FBXO34: variants seen among roughly 807,000 people sequenced by gnomAD.
FBXO34 encodes the protein F-box protein 34.
A neutral mutation model predicts 24.5 loss-of-function variants in FBXO34; 12 were observed. The ratio of observed to expected loss-of-function variants is 0.49; its 90% CI spans 0.31 to 0.79. The LOEUF is 0.79. Ranked by LOEUF, FBXO34 falls within the 30% of genes least tolerant of loss-of-function variation. The pLI is 0.04. For missense variants in FBXO34, 823 were observed against 857.7 expected (o/e 0.96, Z 0.51); for synonymous variants, 320 against 311.9 (o/e 1.03, Z -0.27).
At chr14:55,283,882 A>G (rs1246860455) in intron 1 of FBXO34, among the ~76,000 whole-genome samples, 1 of 151,736 alleles carries the variant, frequency 6.6e-6, no homozygotes, top group Non-Finnish European at 1.5e-5. Context: ...TTTTTGTTTT[A>G]TTAGCTGGTA....
intron 1 of FBXO34, among the ~76,000 whole-genome samples, chr14:55,272,497 C>G (rs1881186715): frequency 6.6e-6 from 1 of 150,458 alleles, no homozygotes; most frequent in East Asian, 1.9e-4. Context: ...AAAAAGAGAA[C>G]CACTTCTAGT....
downstream of FBXO34, among the ~76,000 whole-genome samples, chr14:55,362,873 G>A (rs979472664): frequency 6.6e-6 from 1 of 151,962 alleles, no homozygotes; most frequent in African/African-American, 2.4e-5. Flanking sequence ...TGCTGGAAAG[G>A]GTAGGAAAGT....
At chr14:55,349,553 A>T (rs1884268084) in intron 1 of FBXO34, among the ~76,000 whole-genome samples, 1 of 151,668 alleles carries the variant, frequency 6.6e-6, no homozygotes, top group Non-Finnish European at 1.5e-5. Flanking sequence ...AATTGTAAAC[A>T]TCTAAATATT....
intron 1 of FBXO34, among the ~76,000 whole-genome samples, chr14:55,313,550 A>C (rs747870692): frequency 6.6e-6 from 1 of 152,222 alleles, no homozygotes; most frequent in African/African-American, 2.4e-5. Flanking sequence ...TGTAAAAAAA[A>C]CTGCCTGAAA....
At chr14:55,326,025 C>T (rs1459647478) in intron 1 of FBXO34, 1 of 152,182 alleles carries the variant, frequency 6.6e-6, no homozygotes, top group Non-Finnish European at 1.5e-5. Flanking sequence ...CCATTGGTTT[C>T]AGGATCTAAA....
chr14:55,283,916 T>A (rs1385901602), intron 1 of FBXO34, among the ~76,000 whole-genome samples: 1 of 151,804 alleles, frequency 6.6e-6, no homozygotes, highest in Admixed American at 6.6e-5. Context: ...TTTCCTAAAA[T>A]TAAAACGTGA....
Position 55,316,724 on chromosome 14 carries a change from CAAA to C in FBXO34, c.-10-33646_-10-33644del, listed in dbSNP as rs61450097. 2.6e-3 allele frequency among the ~76,000 whole-genome samples: 337 copies of C among 127,326 alleles called. 1 individual carries two copies. Among genetic ancestry groups the C allele is most frequent in the Non-Finnish European group, 3.8e-3 (230 of 60,054 alleles). The allele number at this position is 127,326 out of a possible 152,430, so 83.5% of individuals were successfully genotyped here. A position where few individuals can be genotyped will look rare whatever the true frequency, so the allele number is the denominator to read the frequency against. The stretch of plus-strand genomic sequence containing the variant: ...CCTGGGCAACAGAGCAGGAACATCT[CAAA>C]AAAAAAAAAAGCCATAAAAGAATTT... On this transcript the variant is annotated intron_variant, in intron 1 of 1. Transcript: ENST00000313833.
the FBXO34 span, chr14:55,414,463 G>A: frequency 6.3e-7 from 1 of 1,587,688 alleles, no homozygotes; most frequent in Non-Finnish European, 8.6e-7. Flanking sequence ...CACCTATAAA[G>A]AAATCCAGGT....
intron 1 of FBXO34, among the ~76,000 whole-genome samples, chr14:55,323,628 G>A (rs1296722419): frequency 6.6e-6 from 1 of 152,184 alleles, no homozygotes; most frequent in East Asian, 1.9e-4. Flanking sequence ...TGATCCGCCT[G>A]CCTCAGCCTT....
chr14:55,355,729 C>G (rs961209524), downstream of FBXO34, among the ~76,000 whole-genome samples: 11 of 152,318 alleles, frequency 7.2e-5, no homozygotes, highest in African/African-American at 2.4e-4. Flanking sequence ...GCTTGCCCAC[C>G]CACTGCACTC....
intron 1 of FBXO34, among the ~76,000 whole-genome samples, chr14:55,328,494 G>A (rs1202869819): frequency 6.6e-6 from 1 of 152,220 alleles, no homozygotes; most frequent in African/African-American, 2.4e-5. Context: ...CAGCGTGGAT[G>A]CCCTGGACAA....
At chr14:55,296,894 A>C (rs7158768) in intron 1 of FBXO34, among the ~76,000 whole-genome samples, 84,797 of 152,006 alleles carry the variant, frequency 0.56, 26,676 homozygotes, top group African/African-American at 0.87. Context: ...TTATTTCCCA[A>C]CATGCAAATA....
the FBXO34 span, among the ~76,000 whole-genome samples, chr14:55,378,844 T>A: frequency 6.6e-6 from 1 of 152,148 alleles, no homozygotes; most frequent in Non-Finnish European, 1.5e-5. Flanking sequence ...TAGCTGGGAC[T>A]ATAGGTGTGT....
At chr14:55,277,113 T>C (rs1881369937) in intron 1 of FBXO34, among the ~76,000 whole-genome samples, 1 of 152,210 alleles carries the variant, frequency 6.6e-6, no homozygotes, top group Non-Finnish European at 1.5e-5. Context: ...TATAGAACAT[T>C]TTCATCACCA....
chr14:55,371,596 GGA>G (rs1246924645), downstream of FBXO34, among the ~76,000 whole-genome samples: 1 of 152,034 alleles, frequency 6.6e-6, no homozygotes, highest in African/African-American at 2.4e-5. Context: ...CACGAGGTCA[GGA>G]GATCGAGACC....
chr14:55,332,926 G>T lies in FBXO34; in HGVS notation c.-10-17455G>T, dbSNP rs550686514. Among the ~76,000 whole-genome samples the T allele has an allele frequency of 2.6e-5, 4 of 152,302 alleles. No individual in the cohort carries two copies. The East Asian group carries it at 5.8e-4, about 22-fold the overall frequency. ...TGGGGAGAAGGATTGATCAGCTGGC[G>T]CATTAGCCCCAAGATGCAGGTGAAT... is the stretch of plus-strand genomic sequence containing the variant. On this transcript the variant is annotated intron_variant, in intron 1 of 1. Coordinates refer to ENST00000313833, the MANE Select transcript of FBXO34 (RefSeq NM_017943.4).
the FBXO34 span, among the ~76,000 whole-genome samples, chr14:55,396,985 C>A: frequency 6.6e-6 from 1 of 152,164 alleles, no homozygotes; most frequent in Non-Finnish European, 1.5e-5. Flanking sequence ...AGGTAATGTG[C>A]AGACCATATG....
intron 1 of FBXO34, among the ~76,000 whole-genome samples, chr14:55,345,821 G>A (rs1386879404): frequency 6.6e-6 from 1 of 152,190 alleles, no homozygotes; most frequent in African/African-American, 2.4e-5. Context: ...GGGCAACTTA[G>A]TGAGACCCTG....
intron 1 of FBXO34, among the ~76,000 whole-genome samples, chr14:55,284,928 C>T (rs1288529452): frequency 6.7e-6 from 1 of 149,602 alleles, no homozygotes; most frequent in South Asian, 2.2e-4. Flanking sequence ...TACCTTGGTT[C>T]TTACTGCAGT....
Sources: allele counts gnomAD v4.1 joint callset (sites outside exome capture counted in the v4.1 genomes callset), GRCh38; gene constraint gnomAD v4.1.1; transcripts MANE v1.5; gene names NCBI Gene and HGNC (gene_info 2026-07-23, HGNC 2026-07-21).